Variants in TBC1D1 observed in about 807,000 individuals in gnomAD.
TBC1D1 encodes the protein TBC1 domain family member 1, also known as TBC1 (tre-2/USP6, BUB2, cdc16) domain family, member 1.
In TBC1D1, 89 loss-of-function variants were observed where a neutral mutation model predicts 125.6. The ratio of observed to expected loss-of-function variants is 0.71; its 90% CI spans 0.60 to 0.85. The LOEUF (loss-of-function observed/expected upper bound fraction) is 0.85. Among genes scored for constraint, TBC1D1 ranks in the 40% least tolerant of loss-of-function variants. The pLI is 0.00. For missense variants in TBC1D1, 1,377 were observed against 1,469.2 expected, an observed-to-expected ratio of 0.94 and a Z score of 1.03; for synonymous variants, 565 against 564.1, an observed-to-expected ratio of 1.00 and a Z score of -0.02.
chr4:37,900,374 T>C (rs1163350967), intron 1 of TBC1D1, among the ~76,000 whole-genome samples: 4 of 150,466 alleles, frequency 2.7e-5, no homozygotes, highest in South Asian at 4.2e-4. Context: ...GAAAGAGCCA[T>C]GGCCAAGGGA....
chr4:38,093,285 GT>G (rs1758735173), intron 13 of TBC1D1, among the ~76,000 whole-genome samples: 3 of 152,124 alleles, frequency 2.0e-5, no homozygotes, highest in Admixed American at 2.0e-4. Context: ...GGTTAAGCCT[GT>G]TTCCTGACTT....
At chr4:38,008,806 G>C (rs1265706621) in intron 2 of TBC1D1, among the ~76,000 whole-genome samples, 1 of 152,192 alleles carries the variant, frequency 6.6e-6, no homozygotes, top group Non-Finnish European at 1.5e-5. Flanking sequence ...GCGGCCTTCT[G>C]TGCCTTCGCC....
intron 17 of TBC1D1, among the ~76,000 whole-genome samples, chr4:38,123,091 G>C (rs1764117563): frequency 6.6e-6 from 1 of 152,214 alleles, no homozygotes; most frequent in South Asian, 2.1e-4. Flanking sequence ...AAGTTTCCCA[G>C]TAATTGTTTA....
chr4:37,892,687 A>G (rs964797321), intron 1 of TBC1D1, among the ~76,000 whole-genome samples: 1 of 152,156 alleles, frequency 6.6e-6, no homozygotes, highest in Non-Finnish European at 1.5e-5. Context: ...GTCATAGTCT[A>G]TTGTTATCTA....
chr4:37,973,087 G>A (rs1034338619), intron 2 of TBC1D1, among the ~76,000 whole-genome samples: 4 of 152,054 alleles, frequency 2.6e-5, no homozygotes, highest in African/African-American at 9.7e-5. Context: ...AAAATATTTG[G>A]TGTTAGAGCA....
At chr4:38,033,674 T>G (rs755915504) in intron 7 of TBC1D1, among the ~76,000 whole-genome samples, 2 of 152,158 alleles carry the variant, frequency 1.3e-5, no homozygotes, top group Non-Finnish European at 2.9e-5. Flanking sequence ...ACAGAATAGT[T>G]TCACTGCCCT....
intron 8 of TBC1D1, among the ~76,000 whole-genome samples, chr4:38,038,690 G>A (rs1747691880): frequency 6.6e-6 from 1 of 152,184 alleles, no homozygotes; most frequent in Non-Finnish European, 1.5e-5. Context: ...GCTCACGCCT[G>A]TAATCCCAGT....
intron 15 of TBC1D1, among the ~76,000 whole-genome samples, chr4:38,104,900 T>C (rs1468963867): frequency 4.6e-5 from 7 of 151,886 alleles, no homozygotes; most frequent in African/African-American, 7.3e-5. Context: ...GGACTACAGG[T>C]GCCCGCCACC....
intron 2 of TBC1D1, among the ~76,000 whole-genome samples, chr4:37,903,615 A>G (rs904165347): frequency 1.3e-5 from 2 of 152,204 alleles, no homozygotes; most frequent in Admixed American, 1.3e-4. Context: ...CCATTAGGTT[A>G]TTTTATGTAC....
At chr4:38,117,461 T>G (rs1763162970) in intron 16 of TBC1D1, among the ~76,000 whole-genome samples, 2 of 152,228 alleles carry the variant, frequency 1.3e-5, no homozygotes, top group African/African-American at 4.8e-5. Flanking sequence ...TATTTCATCT[T>G]AAGATGCACA....
intron 2 of TBC1D1, among the ~76,000 whole-genome samples, chr4:37,929,849 A>C (rs1722911410): frequency 6.6e-6 from 1 of 152,200 alleles, no homozygotes; most frequent in African/African-American, 2.4e-5. Flanking sequence ...AGGGGATGCT[A>C]AAGCCTCTTA....
intron 2 of TBC1D1, among the ~76,000 whole-genome samples, chr4:37,920,704 G>A (rs767325657): frequency 1.3e-5 from 2 of 152,136 alleles, no homozygotes; most frequent in Admixed American, 6.5e-5. Context: ...GGAACACTGG[G>A]GAATGTGAGT....
intron 2 of TBC1D1, among the ~76,000 whole-genome samples, chr4:37,944,524 C>G (rs912278502): frequency 6.6e-6 from 1 of 152,256 alleles, no homozygotes; most frequent in African/African-American, 2.4e-5. Context: ...CTACTCAAGC[C>G]TCAGCAATGG....
At chr4:37,958,711 A>G (rs1442880731) in intron 2 of TBC1D1, among the ~76,000 whole-genome samples, 1 of 152,244 alleles carries the variant, frequency 6.6e-6, no homozygotes, top group South Asian at 2.1e-4. Flanking sequence ...AAGGCTGTTA[A>G]TAAAAAATGA....
intron 2 of TBC1D1, among the ~76,000 whole-genome samples, chr4:37,945,921 C>A (rs532542110): frequency 2.0e-5 from 3 of 152,278 alleles, no homozygotes; most frequent in East Asian, 3.9e-4. Context: ...TGTGATTCAT[C>A]TGAAACTATG....
chr4:38,045,993 G>A (rs1314818110), intron 10 of TBC1D1, 90 bp downstream of exon 10: 15 of 1,184,666 alleles, frequency 1.3e-5, no homozygotes, highest in African/African-American at 3.0e-5. Flanking sequence ...ATCATAAAAC[G>A]TTTGCTGCTT....
intron 8 of TBC1D1, among the ~76,000 whole-genome samples, chr4:38,043,669 A>G (rs1748858175): frequency 6.6e-6 from 1 of 152,048 alleles, no homozygotes; most frequent in Non-Finnish European, 1.5e-5. Context: ...ACTCCATTGT[A>G]TTTTTATTTT....
At chr4:38,006,474 A>ATTTTTTT (rs71190940) in intron 2 of TBC1D1, among the ~76,000 whole-genome samples, 13 of 101,372 alleles carry the variant, frequency 1.3e-4, no homozygotes, top group Admixed American at 2.4e-4. Flanking sequence ...GACCAACACT[A>ATTTTTTT]TTTTTTTTTT....
rs771129905 is a variant in TBC1D1 at position 38,137,275 on chromosome 4, G to A, written c.3447G>A (p.Arg1149=). Residue 1149 remains arginine, a synonymous_variant, in exon 20 of 20, where the codon CGG becomes CGA. Coordinates refer to ENST00000261439, the MANE Select transcript of TBC1D1 (RefSeq NM_015173.4). ...AGACGGTGGAGGAGCTGCGGCGGCGGAGCGCAGAGCCCAGCGACCGGGAGC... is the reference window on the plus strand; with the variant it reads ...AGACGGTGGAGGAGCTGCGGCGGCGAAGCGCAGAGCCCAGCGACCGGGAGC... 2.5e-6 allele frequency: 4 copies of A among 1,611,744 alleles called. No homozygotes were observed. The East Asian group carries it at 6.7e-5, about 27-fold the overall frequency.
Sources: gnomAD v4.1 joint callset for allele counts (sites outside exome capture counted in the v4.1 genomes callset) on GRCh38, gnomAD v4.1.1 for gene constraint, MANE v1.5 for transcripts, NCBI Gene and HGNC (gene_info 2026-07-23, HGNC 2026-07-21) for gene names.